SYT16: variants seen among roughly 807,000 people sequenced by gnomAD.
SYT16 encodes synaptotagmin-16.
Under a neutral mutation model 61.4 loss-of-function variants are expected in SYT16, and 42 were observed. The ratio of observed to expected loss-of-function variants is 0.68; its 90% CI spans 0.53 to 0.89. The LOEUF is 0.89. Ranked by LOEUF, SYT16 falls within the 40% of genes least tolerant of loss-of-function variation. SYT16 has a pLI of 0.00. For synonymous variants in SYT16, 314 were observed against 302.3 expected (o/e 1.04, Z -0.40); for missense variants, 804 against 807.3 (o/e 1.00, Z 0.05).
At chr14:62,053,608 C>G (rs2055409114) in intron 3 of SYT16, among the ~76,000 whole-genome samples, 1 of 152,192 alleles carries the variant, frequency 6.6e-6, no homozygotes, top group Non-Finnish European at 1.5e-5. Flanking sequence ...TGTTCATTCA[C>G]TATTGAAGCA....
chr14:62,051,119 C>G (rs533738130), intron 3 of SYT16, among the ~76,000 whole-genome samples: 468 of 152,348 alleles, frequency 3.1e-3, no homozygotes, highest in Non-Finnish European at 4.6e-3. Flanking sequence ...TGGGCTCCAC[C>G]CAGTTCGAGC....
At chr14:61,931,084 G>C (rs555425233) in intron 1 of SYT16, among the ~76,000 whole-genome samples, 1 of 152,278 alleles carries the variant, frequency 6.6e-6, no homozygotes, top group East Asian at 1.9e-4. Context: ...CCTACCTCTG[G>C]AGTGCCCCAT....
intron 1 of SYT16, among the ~76,000 whole-genome samples, chr14:61,966,146 A>G (rs2051308013): frequency 6.6e-6 from 1 of 152,220 alleles, no homozygotes; most frequent in Non-Finnish European, 1.5e-5. Flanking sequence ...TGTTATTAAC[A>G]AAAATGTTTC....
At chr14:62,069,532 C>T in intron 3 of SYT16, 71 bp from the exon 4 acceptor site, 2 of 1,422,070 alleles carry the variant, frequency 1.4e-6, no homozygotes, top group South Asian at 1.2e-5. Context: ...CTTCTGTTTT[C>T]CTGGAGAGTC....
At chr14:61,823,099 T>C (rs985455400) in intron 1 of SYT16, among the ~76,000 whole-genome samples, 3 of 152,162 alleles carry the variant, frequency 2.0e-5, no homozygotes, top group African/African-American at 7.2e-5. Flanking sequence ...TTCAAGTGAT[T>C]CTCCTGCCTC....
intron 2 of SYT16, 37 bp from the exon 3 acceptor site, chr14:61,995,839 C>T (rs2052744361): frequency 1.7e-6 from 1 of 596,708 alleles, no homozygotes; most frequent in Admixed American, 3.5e-5. Context: ...GAGGTTGTAA[C>T]TTTAACAGGT....
At chr14:61,879,780 A>G (rs970966277) in intron 1 of SYT16, among the ~76,000 whole-genome samples, 3 of 152,216 alleles carry the variant, frequency 2.0e-5, no homozygotes. Flanking sequence ...AGAAAAATGC[A>G]TAATTGTGCT....
intron 3 of SYT16, among the ~76,000 whole-genome samples, chr14:62,041,279 T>C (rs2054719421): frequency 6.6e-6 from 1 of 152,184 alleles, no homozygotes; most frequent in South Asian, 2.1e-4. Flanking sequence ...ATACTGTGTA[T>C]CCTTCAATCA....
At chr14:61,901,284 GGCTGCTGCT>G (rs966399161) in intron 1 of SYT16, among the ~76,000 whole-genome samples, 1 of 152,110 alleles carries the variant, frequency 6.6e-6, no homozygotes, top group African/African-American at 2.4e-5. Flanking sequence ...GTGTACCTAT[GGCTGCTGCT>G]GCTGCTGCAG....
At chr14:61,914,334 A>G (rs2140389109) in intron 1 of SYT16, among the ~76,000 whole-genome samples, 1 of 152,280 alleles carries the variant, frequency 6.6e-6, no homozygotes, top group Admixed American at 6.5e-5. Context: ...AAAGCTCCAC[A>G]TGTTGTGGCT....
intron 1 of SYT16, among the ~76,000 whole-genome samples, chr14:61,820,469 G>GTTGTTT (rs2045578707): frequency 1.6e-5 from 1 of 61,082 alleles, no homozygotes; most frequent in African/African-American, 6.9e-5. Flanking sequence ...CCTCTTCAGA[G>GTTGTTT]TTTTTTTTTT....
intron 5 of SYT16, 85 bp from the exon 6 acceptor site, chr14:62,080,749 A>T (rs1315512157): frequency 7.4e-7 from 1 of 1,350,594 alleles, no homozygotes; most frequent in Non-Finnish European, 1.0e-6. Context: ...AGGGATTCTG[A>T]AGGAGCACAA....
chr14:62,010,999 C>T (rs181172295), intron 3 of SYT16, among the ~76,000 whole-genome samples: 2 of 152,302 alleles, frequency 1.3e-5, no homozygotes, highest in Admixed American at 1.3e-4. Context: ...ACATGAACCA[C>T]AATTTCTTAC....
intron 7 of SYT16, among the ~76,000 whole-genome samples, chr14:62,092,194 AC>A (rs2057105526): frequency 1.0e-5 from 1 of 96,574 alleles, no homozygotes; most frequent in African/African-American, 3.6e-5. Context: ...ACACACACAC[AC>A]ACACACACAC....
chr14:61,935,645 A>G (rs1307261798), intron 1 of SYT16, among the ~76,000 whole-genome samples: 2 of 152,166 alleles, frequency 1.3e-5, no homozygotes, highest in Non-Finnish European at 2.9e-5. Flanking sequence ...CCTTCAACCT[A>G]GAGTTTCTCT....
intron 3 of SYT16, among the ~76,000 whole-genome samples, chr14:61,999,716 T>A (rs2052915726): frequency 6.6e-6 from 1 of 151,872 alleles, no homozygotes; most frequent in Non-Finnish European, 1.5e-5. Flanking sequence ...TCAGCAATGC[T>A]TTAGCTGTAT....
intron 1 of SYT16, among the ~76,000 whole-genome samples, chr14:61,937,911 A>C (rs969164303): frequency 3.5e-4 from 53 of 152,176 alleles, no homozygotes; most frequent in African/African-American, 1.3e-3. Flanking sequence ...GTACAAGTAT[A>C]AGGGTCAAAA....
intron 3 of SYT16, among the ~76,000 whole-genome samples, chr14:62,024,235 A>G (rs1199467598): frequency 6.6e-6 from 1 of 152,114 alleles, no homozygotes; most frequent in Non-Finnish European, 1.5e-5. Flanking sequence ...TACCGCAGGA[A>G]TTCTATAATA....
chr14:62,048,876 G>A (rs1238759874), intron 3 of SYT16, among the ~76,000 whole-genome samples: 2 of 152,174 alleles, frequency 1.3e-5, no homozygotes, highest in Admixed American at 6.5e-5. Flanking sequence ...TACATTTGCT[G>A]AGGAGTACTT....
Sources: gnomAD v4.1 joint callset for allele counts (sites outside exome capture counted in the v4.1 genomes callset) on GRCh38, gnomAD v4.1.1 for gene constraint, MANE v1.5 for transcripts, NCBI Gene and HGNC (gene_info 2026-07-23, HGNC 2026-07-21) for gene names.